BANK1: variants seen among roughly 807,000 people sequenced by gnomAD.
The protein encoded by BANK1 is B cell scaffold protein with ankyrin repeats 1.
BANK1 carries 95 observed loss-of-function variants against 94.5 expected under a neutral mutation model. That is an observed-to-expected ratio of 1.00 (90% CI 0.85 to 1.19). BANK1 has a LOEUF of 1.19. Among genes scored for constraint, BANK1 ranks in the 50% most tolerant of loss-of-function variants. The probability of loss-of-function intolerance (pLI) is 0.00; values close to 1 mark genes in which losing one functional copy is unlikely to be tolerated. For synonymous variants in BANK1, 334 were observed against 308.4 expected (o/e 1.08, Z -0.87); for missense variants, 987 against 932.2 (o/e 1.06, Z -0.77).
intron 7 of BANK1, among the ~76,000 whole-genome samples, chr4:101,965,786 C>T (rs1724730864): frequency 6.6e-6 from 1 of 152,066 alleles, no homozygotes; most frequent in Non-Finnish European, 1.5e-5. Context: ...GCCAATATGT[C>T]ATATATATTC....
chr4:102,038,843 T>G (rs1727607708), intron 10 of BANK1, among the ~76,000 whole-genome samples: 1 of 152,196 alleles, frequency 6.6e-6, no homozygotes, highest in Non-Finnish European at 1.5e-5. Context: ...ATTTCCCAAA[T>G]CTTCCTTTAG....
At chr4:101,934,620 T>C (rs1367113643) in intron 7 of BANK1, among the ~76,000 whole-genome samples, 1 of 151,486 alleles carries the variant, frequency 6.6e-6, no homozygotes, top group Non-Finnish European at 1.5e-5. Context: ...TCCTAACTAA[T>C]GTAGTCAGTA....
chr4:101,838,353 C>G (rs1560595244), intron 2 of BANK1, among the ~76,000 whole-genome samples: 2 of 152,152 alleles, frequency 1.3e-5, no homozygotes, highest in Admixed American at 1.3e-4. Context: ...CTAAGGTACA[C>G]TGTTTTATTA....
intron 5 of BANK1, among the ~76,000 whole-genome samples, chr4:101,874,543 G>A (rs1230788780): frequency 3.3e-5 from 5 of 152,096 alleles, no homozygotes; most frequent in African/African-American, 4.8e-5. Flanking sequence ...TAGTCTCTAA[G>A]CTTTACCATA....
intron 10 of BANK1, among the ~76,000 whole-genome samples, chr4:102,040,033 T>C (rs1292847238): frequency 6.6e-6 from 1 of 152,100 alleles, no homozygotes; most frequent in African/African-American, 2.4e-5. Context: ...TAGCCACTTA[T>C]GAAATAATTC....
chr4:101,820,263 A>G lies in BANK1; in HGVS notation c.71-9545A>G, dbSNP rs574468477. ...AATTCATTCCATACATACTTTCCAA[A>G]CTCATGCTGATACATATTGGCAATA... On this transcript the variant is annotated intron_variant, in intron 1 of 16. Coordinates refer to ENST00000322953, the MANE Select transcript of BANK1 (RefSeq NM_017935.5). Among the ~76,000 whole-genome samples the G allele has an allele frequency of 2.6e-5, 4 of 152,230 alleles. No homozygotes were observed. In the South Asian group the frequency reaches 8.3e-4, roughly 32 times the overall value.
intron 3 of BANK1, among the ~76,000 whole-genome samples, chr4:101,857,361 C>G (rs1349739788): frequency 6.6e-6 from 1 of 152,094 alleles, no homozygotes; most frequent in East Asian, 1.9e-4. Flanking sequence ...ACTATGAGCT[C>G]TTTATAGTTG....
chr4:101,792,577 G>T (rs923499801), intron 1 of BANK1, among the ~76,000 whole-genome samples: 1 of 151,612 alleles, frequency 6.6e-6, no homozygotes, highest in Non-Finnish European at 1.5e-5. Context: ...AGAGCACTGA[G>T]ATCCAGAGTG....
chr4:101,841,033 G>C (rs1578349496), intron 2 of BANK1, among the ~76,000 whole-genome samples: 1 of 152,042 alleles, frequency 6.6e-6, no homozygotes, highest in South Asian at 2.1e-4. Context: ...CACCATATTG[G>C]CCAGGCTGGT....
chr4:102,063,139 G>C lies in BANK1; in HGVS notation c.2212+1G>C. Reference sequence around the variant, plus strand: ...AGGCCAGAAGAAGAAAATGTCTATAGTAAGTAAGATTCGCCTGCTATTCAA... The same window carrying C: ...AGGCCAGAAGAAGAAAATGTCTATACTAAGTAAGATTCGCCTGCTATTCAA... On this transcript the variant is annotated splice_donor_variant, in intron 13 of 16. Coordinates refer to ENST00000322953, the MANE Select transcript of BANK1 (RefSeq NM_017935.5). LOFTEE classifies it high-confidence loss of function. The C allele has an allele frequency of 6.2e-7, 1 of 1,610,906 alleles. No homozygotes were observed. Among genetic ancestry groups the C allele is most frequent in the African/African-American group, 1.3e-5 (1 of 74,944 alleles).
At chr4:101,871,276 A>G (rs570512651) in intron 5 of BANK1, among the ~76,000 whole-genome samples, 7 of 152,136 alleles carry the variant, frequency 4.6e-5, no homozygotes, top group Non-Finnish European at 8.8e-5. Context: ...TAGAATTGTA[A>G]CTTTGCTTAT....
intron 6 of BANK1, among the ~76,000 whole-genome samples, chr4:101,913,622 G>A (rs1722738444): frequency 6.6e-6 from 1 of 152,080 alleles, no homozygotes; most frequent in Admixed American, 6.6e-5. Context: ...ACTTCATAGT[G>A]TGTCCTCAAA....
intron 6 of BANK1, among the ~76,000 whole-genome samples, chr4:101,902,790 A>T (rs192788670): frequency 6.6e-6 from 1 of 152,362 alleles, no homozygotes; most frequent in Admixed American, 6.5e-5. Context: ...CTAGCATTAG[A>T]TATTGCATTA....
intron 7 of BANK1, among the ~76,000 whole-genome samples, chr4:101,990,568 T>C (rs1048498604): frequency 7.9e-5 from 12 of 152,162 alleles, no homozygotes; most frequent in Non-Finnish European, 1.5e-4. Flanking sequence ...AAAGATGGAG[T>C]ACATTTTTCC....
intron 7 of BANK1, among the ~76,000 whole-genome samples, chr4:101,993,673 A>C (rs559976134): frequency 6.6e-6 from 1 of 152,282 alleles, no homozygotes; most frequent in East Asian, 1.9e-4. Context: ...TAATAGAGAG[A>C]AGAAACTCAC....
intron 7 of BANK1, among the ~76,000 whole-genome samples, chr4:101,920,514 T>C (rs1722968680): frequency 6.6e-6 from 1 of 151,986 alleles, no homozygotes. Flanking sequence ...TTCAGTGTTA[T>C]AATGACTTAG....
chr4:102,041,473 G>T (rs1384885934), intron 10 of BANK1, among the ~76,000 whole-genome samples: 1 of 151,972 alleles, frequency 6.6e-6, no homozygotes, highest in African/African-American at 2.4e-5. Flanking sequence ...AGTGTGTTTG[G>T]CAATATGCTA....
At chr4:101,895,848 G>T (rs938100578) in intron 6 of BANK1, among the ~76,000 whole-genome samples, 6 of 151,650 alleles carry the variant, frequency 4.0e-5, no homozygotes, top group African/African-American at 1.2e-4. Flanking sequence ...GTGATGTTTT[G>T]GTGTATACTT....
chr4:102,072,207 C>A, intron 14 of BANK1, 138 bp from the exon 15 acceptor site: 1 of 707,428 alleles, frequency 1.4e-6, no homozygotes, highest in Non-Finnish European at 2.4e-6. Flanking sequence ...TTTTCGGTAT[C>A]CCCCTTTTAT....
Sources: allele counts gnomAD v4.1 joint callset (sites outside exome capture counted in the v4.1 genomes callset), GRCh38; gene constraint gnomAD v4.1.1; transcripts MANE v1.5; gene names NCBI Gene and HGNC (gene_info 2026-07-23, HGNC 2026-07-21).